The following ARID5B variants were observed in gnomAD, a reference collection of about 807,000 sequenced individuals.
ARID5B encodes AT-rich interactive domain-containing protein 5B.
A neutral mutation model predicts 97.2 loss-of-function variants in ARID5B; 13 were observed. The ratio of observed to expected loss-of-function variants is 0.13; its 90% CI spans 0.09 to 0.21. The LOEUF (loss-of-function observed/expected upper bound fraction) is 0.21. Ranked by LOEUF, ARID5B falls within the 10% of genes least tolerant of loss-of-function variation. The pLI is 1.00. For synonymous variants in ARID5B, 556 were observed against 570.3 expected, an observed-to-expected ratio of 0.97 and a Z score of 0.36; for missense variants, 1,210 against 1,465.3, an observed-to-expected ratio of 0.83 and a Z score of 2.84.
chr10:61,954,287 G>T (rs1187906589), intron 3 of ARID5B, among the ~76,000 whole-genome samples: 2 of 151,960 alleles, frequency 1.3e-5, no homozygotes, highest in South Asian at 4.2e-4. Context: ...AACCTGGGGG[G>T]TGGGGGTTGC....
At chr10:61,996,688 T>C (rs187036345) in intron 3 of ARID5B, among the ~76,000 whole-genome samples, 1 of 152,236 alleles carries the variant, frequency 6.6e-6, no homozygotes, top group East Asian at 1.9e-4. Flanking sequence ...GGAAATAGCA[T>C]TAATACTTGC....
At chr10:62,036,713 A>G (rs1839569661) in intron 4 of ARID5B, among the ~76,000 whole-genome samples, 1 of 152,180 alleles carries the variant, frequency 6.6e-6, no homozygotes, top group Non-Finnish European at 1.5e-5. Context: ...ACCCAAATGG[A>G]GGTATTCAGG....
chr10:62,089,031 G>A (rs1428714927), intron 9 of ARID5B, among the ~76,000 whole-genome samples: 2 of 152,188 alleles, frequency 1.3e-5, no homozygotes, highest in African/African-American at 4.8e-5. Context: ...TATAACTGCA[G>A]TTCTACATCA....
At chr10:62,054,136 T>G (rs1220524325) in intron 5 of ARID5B, among the ~76,000 whole-genome samples, 1 of 152,194 alleles carries the variant, frequency 6.6e-6, no homozygotes, top group Non-Finnish European at 1.5e-5. Context: ...CCCAAAGTAC[T>G]TAGTGAACTC....
At position 62,092,058 on chromosome 10, in the gene ARID5B, G is replaced by A. The variant is rs1840385511; in HGVS notation, c.2595G>A (p.Ser865=). ...CTTCCAGGGACATGTACAGGGAATCGGAAAACAGTTCTTTTCCTTCCCACA... is the reference window on the plus strand; with the variant it reads ...CTTCCAGGGACATGTACAGGGAATCAGAAAACAGTTCTTTTCCTTCCCACA... ...KYPSRDMYRE[S]ENSSFPSHRH... is the part of the protein sequence containing the mutation. The change falls in exon 10 of 10, where the codon TCG becomes TCA. Residue 865 remains serine (S), a synonymous_variant. Coordinates refer to ENST00000279873, the MANE Select transcript of ARID5B (RefSeq NM_032199.3). 11 of 1,614,026 alleles carry A rather than the reference G, an allele frequency of 6.8e-6. No homozygotes were observed. The highest frequency in any genetic ancestry group is 2.2e-5 in the East Asian group (1 of 44,886).
intron 2 of ARID5B, among the ~76,000 whole-genome samples, chr10:61,930,722 AAAATAAATAAAT>A (rs55665606): frequency 7.1e-6 from 1 of 140,358 alleles, no homozygotes; most frequent in African/African-American, 2.7e-5. Flanking sequence ...TCCGCCTCAA[AAAATAAATAAAT>A]AAATAAATAA....
At chr10:62,021,066 A>ATATC (rs1554845222) in intron 4 of ARID5B, among the ~76,000 whole-genome samples, 2 of 133,324 alleles carry the variant, frequency 1.5e-5, no homozygotes, top group African/African-American at 2.8e-5. Flanking sequence ...ATATATATAT[A>ATATC]TATCTCAGAA....
chr10:62,069,806 C>G lies in ARID5B; in HGVS notation c.1199+9C>G, dbSNP rs774753540. 6.2e-7 allele frequency: 1 copy of G among 1,612,238 alleles called. No homozygotes were observed. The highest frequency in any genetic ancestry group is 1.7e-5 in the Admixed American group (1 of 59,990). On this transcript the variant is annotated intron_variant, in intron 8 of 9. Coordinates refer to ENST00000279873, the MANE Select transcript of ARID5B (RefSeq NM_032199.3). Reference sequence around the variant, plus strand: ...CGCAGACATTATGAAAGGTAAGAAACCATTTCATGGAATTGCTTAGTTAAA... The same window carrying G: ...CGCAGACATTATGAAAGGTAAGAAAGCATTTCATGGAATTGCTTAGTTAAA...
In ARID5B at chr10:62,091,477, C is replaced by T. The variant is rs1188342486; in HGVS notation, c.2014C>T (p.Leu672Phe). The T allele has an allele frequency of 6.2e-7, 1 of 1,612,544 alleles. No homozygotes were observed. Among genetic ancestry groups the T allele is most frequent in the South Asian group, 1.1e-5 (1 of 90,808 alleles). Reference protein sequence around the residue: ...LTGPMNENHGLNYTPLLYSRG... With the variant: ...LTGPMNENHGFNYTPLLYSRG... ...TGGGCCCATGAACGAGAACCATGGA[C>T]TTAATTACACGCCCCTGCTCTACTC... Residue 672 changes from leucine (L) to phenylalanine (F), a missense_variant, in exon 10 of 10, where the codon CTT (leucine) becomes TTT (phenylalanine). Around this residue, in one of 8 missense-constraint regions of ARID5B, gnomAD observed 800 missense variants for 839.1 expected, o/e 0.95. Transcript: ENST00000279873.
chr10:62,093,724 T>G lies in ARID5B; in HGVS notation c.*694T>G. On this transcript the variant is annotated 3_prime_UTR_variant, in exon 10 of 10. Coordinates refer to ENST00000279873, the MANE Select transcript of ARID5B (RefSeq NM_032199.3). ...TTTGCAGGTCTTTTTGTTTTTGTTT[T>G]GTTTTTGAGGCTGACTGACTGTCCT... 4.3e-6 allele frequency: 1 copy of G among 232,910 alleles called. No individual in the cohort carries two copies. Among genetic ancestry groups the G allele is most frequent in the Non-Finnish European group, 8.5e-6 (1 of 117,874 alleles). 14.4% of individuals were successfully genotyped at this position (232,910 alleles called of 1,614,324 possible). A position where few individuals can be genotyped will look rare whatever the true frequency, so the allele number is the denominator to read the frequency against.
chr10:62,090,238 C>T (rs1271387699), intron 9 of ARID5B, among the ~76,000 whole-genome samples: 1 of 152,210 alleles, frequency 6.6e-6, no homozygotes, highest in Non-Finnish European at 1.5e-5. Flanking sequence ...CTCTGGTAGA[C>T]AGGCTGCCAA....
intron 4 of ARID5B, among the ~76,000 whole-genome samples, chr10:62,015,210 A>G (rs1839268301): frequency 6.6e-6 from 1 of 152,228 alleles, no homozygotes; most frequent in Non-Finnish European, 1.5e-5. Context: ...AGGCTTATTG[A>G]AGCCAAATTT....
At chr10:62,008,014 A>G (rs933180705) in intron 4 of ARID5B, among the ~76,000 whole-genome samples, 3 of 150,890 alleles carry the variant, frequency 2.0e-5, no homozygotes, top group African/African-American at 7.3e-5. Context: ...GTTTCTTTAC[A>G]TGTTTACAGT....
At chr10:62,035,921 G>A (rs534422809) in intron 4 of ARID5B, among the ~76,000 whole-genome samples, 2 of 150,852 alleles carry the variant, frequency 1.3e-5, no homozygotes, top group South Asian at 4.2e-4. Flanking sequence ...GCCTCCCACG[G>A]TCAAGCAATT....
chr10:61,990,255 TC>T (rs1838905625), intron 3 of ARID5B, among the ~76,000 whole-genome samples: 1 of 152,172 alleles, frequency 6.6e-6, no homozygotes, highest in Non-Finnish European at 1.5e-5. Flanking sequence ...CTCCCAGAAG[TC>T]AGTGCAGTTG....
At chr10:62,018,649 A>G (rs2132888233) in intron 4 of ARID5B, among the ~76,000 whole-genome samples, 1 of 128,944 alleles carries the variant, frequency 7.8e-6, no homozygotes, top group Admixed American at 9.0e-5. Context: ...CACAGAAGGT[A>G]ATTTTTTGTG....
At chr10:61,983,217 T>C (rs1838800792) in intron 3 of ARID5B, among the ~76,000 whole-genome samples, 1 of 152,116 alleles carries the variant, frequency 6.6e-6, no homozygotes, top group African/African-American at 2.4e-5. Flanking sequence ...AAAAGAGAAT[T>C]AGGGGAAGAT....
chr10:61,949,172 C>G (rs1246071414), intron 3 of ARID5B, among the ~76,000 whole-genome samples: 2 of 152,152 alleles, frequency 1.3e-5, no homozygotes, highest in East Asian at 3.8e-4. Flanking sequence ...GTCTGAGAGT[C>G]TGTTTAAGCT....
chr10:61,985,930 A>G (rs7087507), intron 3 of ARID5B, among the ~76,000 whole-genome samples: 51,146 of 151,820 alleles, frequency 0.34, 8,820 homozygotes, highest in South Asian at 0.5. Flanking sequence ...AAATAAGGCA[A>G]CACCAAGCTT....
Sources: gnomAD v4.1 joint callset for allele counts (sites outside exome capture counted in the v4.1 genomes callset) on GRCh38, gnomAD v4.1.1 for gene constraint, gnomAD v4.1.1 regional missense constraint, MANE v1.5 for transcripts, NCBI Gene and HGNC (gene_info 2026-07-23, HGNC 2026-07-21) for gene names.